The following SHTN1 variants were observed in gnomAD, a reference collection of about 807,000 sequenced individuals.
SHTN1 encodes the protein shootin 1.
Under a neutral mutation model 83.1 loss-of-function variants are expected in SHTN1, and 42 were observed. That is an observed-to-expected ratio of 0.51 (90% confidence interval 0.39 to 0.65). The LOEUF (loss-of-function observed/expected upper bound fraction) is 0.65. Ranked by LOEUF, SHTN1 falls within the 30% of genes least tolerant of loss-of-function variation. SHTN1 has a pLI of 0.00. For synonymous variants in SHTN1, 224 were observed against 247.7 expected (o/e 0.90, Z 0.90); for missense variants, 622 against 737.8 (o/e 0.84, Z 1.82).
intron 15 of SHTN1, among the ~76,000 whole-genome samples, chr10:116,903,815 A>C (rs1847849370): frequency 1.3e-5 from 2 of 152,206 alleles, no homozygotes; most frequent in Admixed American, 1.3e-4. Flanking sequence ...TAGTGAGCTA[A>C]GCTACAGCTC....
At chr10:117,068,225 G>T (rs953776523) in intron 1 of SHTN1, among the ~76,000 whole-genome samples, 1 of 152,080 alleles carries the variant, frequency 6.6e-6, no homozygotes, top group Non-Finnish European at 1.5e-5. Flanking sequence ...AACACCATCT[G>T]CTAAAAATAC....
intron 2 of SHTN1, among the ~76,000 whole-genome samples, chr10:117,016,563 C>G (rs569716527): frequency 6.6e-6 from 1 of 152,142 alleles, no homozygotes; most frequent in African/African-American, 2.4e-5. Context: ...TGTGCCACCA[C>G]GCCCGGCTAC....
intron 2 of SHTN1, among the ~76,000 whole-genome samples, chr10:116,977,662 C>CTGTCTGTGTGTG (rs1554923514): frequency 6.8e-6 from 1 of 147,776 alleles, no homozygotes; most frequent in African/African-American, 2.5e-5. Flanking sequence ...CTTTCTTACT[C>CTGTCTGTGTGTG]TGTGTGTGTG....
At chr10:117,077,039 T>C (rs969607629) in intron 1 of SHTN1, among the ~76,000 whole-genome samples, 21 of 152,322 alleles carry the variant, frequency 1.4e-4, no homozygotes, top group African/African-American at 5.1e-4. Context: ...TCTCATTTTA[T>C]TTTTTCATAT....
chr10:116,980,744 A>G (rs1192927570), intron 1 of SHTN1, among the ~76,000 whole-genome samples: 1 of 152,210 alleles, frequency 6.6e-6, no homozygotes, highest in East Asian at 1.9e-4. Flanking sequence ...CCCCAGAAAC[A>G]GACAATTAAC....
intron 1 of SHTN1, among the ~76,000 whole-genome samples, chr10:117,065,231 G>A (rs1852959383): frequency 6.6e-6 from 1 of 152,086 alleles, no homozygotes. Flanking sequence ...CTAGATGACG[G>A]GTTGATAAGT....
chr10:116,886,257 A>G lies in SHTN1; in HGVS notation c.*87T>C. The G allele has an allele frequency of 6.6e-7, 1 of 1,522,984 alleles. No individual in the cohort carries two copies. Among genetic ancestry groups the G allele is most frequent in the Non-Finnish European group, 8.9e-7 (1 of 1,127,168 alleles). The allele number at this position is 1,522,984 out of a possible 1,614,324, so 94.3% of individuals were successfully genotyped here. On this transcript the variant is annotated 3_prime_UTR_variant, in exon 17 of 17. Transcript: ENST00000355371. ...TTCTGAATACAGTGACCAGAGCAGAATGTCTACAGCCCTTGCCAATATAAC... is the reference window on the plus strand; with the variant it reads ...TTCTGAATACAGTGACCAGAGCAGAGTGTCTACAGCCCTTGCCAATATAAC...
At chr10:116,899,552 A>T (rs968446742) in intron 16 of SHTN1, among the ~76,000 whole-genome samples, 65 of 117,644 alleles carry the variant, frequency 5.5e-4, no homozygotes, top group Admixed American at 1.1e-3. Flanking sequence ...TGTGTGAGAG[A>T]GTGCATGCAT....
chr10:117,037,911 C>T (rs1459373161), intron 2 of SHTN1, among the ~76,000 whole-genome samples: 8 of 21,326 alleles, frequency 3.8e-4, no homozygotes, highest in African/African-American at 1.4e-3. Flanking sequence ...GGAGGTGAGG[C>T]AGGATAATTG....
upstream of SHTN1, among the ~76,000 whole-genome samples, chr10:117,007,676 CTAT>C (rs1201764629): frequency 6.6e-6 from 1 of 150,740 alleles, no homozygotes; most frequent in Non-Finnish European, 1.5e-5. Context: ...TCCCATTACA[CTAT>C]TGTTTATTTA....
exon 1 of SHTN1, chr10:117,126,531 A>AG: frequency 1.6e-5 from 1 of 61,084 alleles, no homozygotes; most frequent in South Asian, 6.0e-4. Context: ...CCTAGCACGC[A>AG]TGCCCCTCGC....
rs553648307 is a variant in SHTN1, at chr10:116,923,880, C to CT, written c.1113-2365dup. On this transcript the variant is annotated intron_variant, in intron 11 of 16. Transcript: ENST00000355371. ...GTTTCTTAATCGTTCTAATTTCTAG[C>CT]TTTTTTTTACTTTTCACTTCTACGT... Among the ~76,000 whole-genome samples, 57 of 152,110 alleles carry CT rather than the reference C, an allele frequency of 3.7e-4. No homozygotes were observed. The South Asian group carries it at 0.011, about 29-fold the overall frequency.
At position 116,979,315 on chromosome 10, in the gene SHTN1, G is replaced by GA. The variant is rs761867889; in HGVS notation, c.59-8dup. On this transcript the variant is annotated splice_region_variant and splice_polypyrimidine_tract_variant and intron_variant, in intron 1 of 16. Coordinates refer to ENST00000355371, the MANE Select transcript of SHTN1 (RefSeq NM_001127211.3). ...TCTTCATATTCGCCTATTGCTAAAA[G>GA]AAAAAAGGAAAGCAACATTACAACA... 1 of 1,612,206 alleles carries GA rather than the reference G, an allele frequency of 6.2e-7. No individual in the cohort carries two copies.
chr10:117,083,815 C>A (rs1234002422), intron 1 of SHTN1, among the ~76,000 whole-genome samples: 2 of 152,090 alleles, frequency 1.3e-5, no homozygotes, highest in Non-Finnish European at 2.9e-5. Flanking sequence ...TTGCTGATAC[C>A]CTTTCTTCCA....
intron 1 of SHTN1, among the ~76,000 whole-genome samples, chr10:117,000,106 G>A (rs1436751160): frequency 6.6e-6 from 1 of 152,086 alleles, no homozygotes; most frequent in African/African-American, 2.4e-5. Flanking sequence ...AGATGCAGCT[G>A]GCCCTTGTAC....
rs1213837438 is a variant in SHTN1 at position 116,884,849 on chromosome 10, T to G, written c.*1495A>C. Reference sequence around the variant, plus strand: ...TAAGTTGTGGTGAGGAGAGTTCAAATTACAGCATAACAGAATTCGTTTCGT... The same window carrying G: ...TAAGTTGTGGTGAGGAGAGTTCAAAGTACAGCATAACAGAATTCGTTTCGT... On this transcript the variant is annotated 3_prime_UTR_variant, in exon 17 of 17. Coordinates refer to ENST00000355371, the MANE Select transcript of SHTN1 (RefSeq NM_001127211.3). 6.5e-6 allele frequency: 1 copy of G among 154,344 alleles called. No individual in the cohort carries two copies. The highest frequency in any genetic ancestry group is 1.4e-5 in the Non-Finnish European group (1 of 69,364). 9.6% of individuals were successfully genotyped at this position (154,344 alleles called of 1,614,324 possible).
chr10:116,987,650 C>T (rs1851263989), intron 1 of SHTN1, among the ~76,000 whole-genome samples: 1 of 152,054 alleles, frequency 6.6e-6, no homozygotes, highest in African/African-American at 2.4e-5. Context: ...GACGCAGTGG[C>T]TCACACCTGT....
rs966326803 is a variant in SHTN1 at position 116,881,774 on chromosome 10, C to T, written c.*4570G>A. ...CATGGAGTTTCCTCTTCAACTTCAC[C>T]AACTCTTGTGGTTTTTATTCTTCTA... On this transcript the variant is annotated 3_prime_UTR_variant, in exon 17 of 17. Transcript: ENST00000355371. 2.4e-5 allele frequency: 20 copies of T among 844,444 alleles called. No individual in the cohort carries two copies. The highest frequency in any genetic ancestry group is 2.8e-5 in the Non-Finnish European group (17 of 606,480). 52.3% of individuals were successfully genotyped at this position (844,444 alleles called of 1,614,324 possible).
At chr10:117,033,931 G>A (rs962615209) in intron 2 of SHTN1, among the ~76,000 whole-genome samples, 5 of 152,032 alleles carry the variant, frequency 3.3e-5, no homozygotes, top group Non-Finnish European at 7.4e-5. Flanking sequence ...AAAACCATAC[G>A]ATCATTTCAA....
Sources: allele counts gnomAD v4.1 joint callset (sites outside exome capture counted in the v4.1 genomes callset), GRCh38; gene constraint gnomAD v4.1.1; transcripts MANE v1.5; gene names NCBI Gene and HGNC (gene_info 2026-07-23, HGNC 2026-07-21).